The following ADAMTS3 variants were observed in gnomAD, a reference collection of about 807,000 sequenced individuals.
ADAMTS3 encodes A disintegrin and metalloproteinase with thrombospondin motifs 3.
A neutral mutation model predicts 129.0 loss-of-function variants in ADAMTS3; 73 were observed. The observed-to-expected ratio is 0.57, with a 90% CI of 0.47 to 0.69. The LOEUF is 0.69. Among genes scored for constraint, ADAMTS3 ranks in the 30% least tolerant of loss-of-function variants. The pLI is 0.00. For missense variants in ADAMTS3, 1,457 were observed against 1,514.5 expected (o/e 0.96, Z 0.63); for synonymous variants, 477 against 510.8 (o/e 0.93, Z 0.89).
At chr4:72,536,757 A>G (rs788918) in intron 3 of ADAMTS3, among the ~76,000 whole-genome samples, 49,703 of 151,954 alleles carry the variant, frequency 0.33, 8,664 homozygotes, top group East Asian at 0.45. Context: ...TCCTTTGACC[A>G]TTTTACAAAA....
chr4:72,527,431 G>A (rs933012817), intron 3 of ADAMTS3, among the ~76,000 whole-genome samples: 2 of 152,062 alleles, frequency 1.3e-5, no homozygotes, highest in African/African-American at 4.8e-5. Context: ...AACCTCATGG[G>A]GCAAATACTA....
rs72853016 is a variant in ADAMTS3, at chr4:72,462,471, T to C, written c.505-47500A>G. Reference sequence around the variant, plus strand: ...AGCACATCAAAGAAACATGAGTGCATTTTACACAAGTGTACGGTCACACAC... The same window carrying C: ...AGCACATCAAAGAAACATGAGTGCACTTTACACAAGTGTACGGTCACACAC... On this transcript the variant is annotated intron_variant, in intron 3 of 21. Transcript: ENST00000286657. Among the ~76,000 whole-genome samples the C allele has an allele frequency of 7.5e-3, 1,137 of 152,070 alleles. 25 individuals are homozygous for C. Among genetic ancestry groups the C allele is most frequent in the African/African-American group, 0.026 (1,080 of 41,538 alleles).
intron 3 of ADAMTS3, among the ~76,000 whole-genome samples, chr4:72,458,369 A>C (rs1718679586): frequency 6.6e-6 from 1 of 151,554 alleles, no homozygotes; most frequent in South Asian, 2.1e-4. Flanking sequence ...TTAAAAAAAA[A>C]GTCCATGTCA....
At chr4:72,389,531 A>C (rs1349713957) in intron 4 of ADAMTS3, among the ~76,000 whole-genome samples, 1 of 135,084 alleles carries the variant, frequency 7.4e-6, no homozygotes. Flanking sequence ...GAAAAAAACA[A>C]AAAAAAAAAA....
intron 3 of ADAMTS3, among the ~76,000 whole-genome samples, chr4:72,420,445 T>C (rs1049597066): frequency 6.6e-6 from 1 of 152,162 alleles, no homozygotes; most frequent in Admixed American, 6.5e-5. Flanking sequence ...AGGTGTTGCT[T>C]CTCAAAGAGC....
chr4:72,385,101 A>G (rs926592716), intron 4 of ADAMTS3, among the ~76,000 whole-genome samples: 8 of 151,976 alleles, frequency 5.3e-5, no homozygotes, highest in Admixed American at 3.9e-4. Context: ...AATGGCGTGA[A>G]CCTGGGAGGT....
intron 3 of ADAMTS3, among the ~76,000 whole-genome samples, chr4:72,546,451 A>T (rs1464486533): frequency 3.4e-5 from 1 of 29,438 alleles, no homozygotes; most frequent in Admixed American, 2.0e-4. Flanking sequence ...ACAAATGTTA[A>T]AAAAAAAAAA....
At chr4:72,285,452 A>G (rs140480484) in intron 21 of ADAMTS3, among the ~76,000 whole-genome samples, 1 of 152,278 alleles carries the variant, frequency 6.6e-6, no homozygotes, top group Non-Finnish European at 1.5e-5. Context: ...AGGTCTCAAG[A>G]GGAGAGGACA....
At chr4:72,412,706 T>C (rs1460463492) in intron 4 of ADAMTS3, among the ~76,000 whole-genome samples, 6 of 152,028 alleles carry the variant, frequency 3.9e-5, no homozygotes, top group Admixed American at 1.3e-4. Context: ...ACTGAATGAT[T>C]CAATTTTGAT....
intron 4 of ADAMTS3, among the ~76,000 whole-genome samples, chr4:72,387,933 T>C (rs942966977): frequency 2.0e-5 from 3 of 152,120 alleles, no homozygotes; most frequent in Non-Finnish European, 4.4e-5. Flanking sequence ...ACTAGAGAAG[T>C]AGTTTTCTAA....
At chr4:72,455,909 T>A (rs778383778) in intron 3 of ADAMTS3, among the ~76,000 whole-genome samples, 6,861 of 65,950 alleles carry the variant, frequency 0.1, 648 homozygotes, top group Non-Finnish European at 0.14. Context: ...GTATATACAC[T>A]GTATATATAC....
In ADAMTS3 at chr4:72,438,874, A is replaced by G. The variant is rs377598646; in HGVS notation, c.505-23903T>C. ...AACGGCAGTGCTAAGACATCAAAAA[A>G]GATCAACTTGCTTAAGACCATAACA... On this transcript the variant is annotated intron_variant, in intron 3 of 21. Transcript: ENST00000286657. Among the ~76,000 whole-genome samples the G allele has an allele frequency of 1.7e-4, 26 of 151,872 alleles. No individual in the cohort carries two copies. The East Asian group carries it at 2.9e-3, about 17-fold the overall frequency.
chr4:72,362,625 C>A (rs1424208864), intron 4 of ADAMTS3, among the ~76,000 whole-genome samples: 1 of 152,036 alleles, frequency 6.6e-6, no homozygotes, highest in East Asian at 1.9e-4. Flanking sequence ...GATATCACAG[C>A]TTAATTATAA....
intron 3 of ADAMTS3, among the ~76,000 whole-genome samples, chr4:72,518,885 G>C (rs1406424117): frequency 1.3e-5 from 2 of 151,930 alleles, no homozygotes; most frequent in African/African-American, 4.8e-5. Flanking sequence ...TCATTATGAT[G>C]TTAGCTGCTT....
chr4:72,512,028 A>G (rs763478391), intron 3 of ADAMTS3, among the ~76,000 whole-genome samples: 2 of 152,166 alleles, frequency 1.3e-5, no homozygotes, highest in African/African-American at 4.8e-5. Context: ...GACAAACATC[A>G]TATGTTCTCA....
chr4:72,341,268 C>T (rs1720130333), intron 4 of ADAMTS3, among the ~76,000 whole-genome samples: 1 of 152,118 alleles, frequency 6.6e-6, no homozygotes, highest in Non-Finnish European at 1.5e-5. Context: ...CTGAATGTGA[C>T]TACTCAGGTT....
intron 15 of ADAMTS3, among the ~76,000 whole-genome samples, 179 bp downstream of exon 15, chr4:72,309,214 AATTC>A (rs1328182770): frequency 3.3e-5 from 5 of 151,960 alleles, no homozygotes; most frequent in South Asian, 2.1e-4. Context: ...AGGGAGTATG[AATTC>A]ATTCAAAGTG....
chr4:72,320,570 G>A (rs1719526313), intron 7 of ADAMTS3, 144 bp downstream of exon 7: 2 of 826,254 alleles, frequency 2.4e-6, no homozygotes, highest in African/African-American at 1.7e-5. Context: ...GTCACTGTAA[G>A]CAAAAGAAAG....
intron 3 of ADAMTS3, among the ~76,000 whole-genome samples, chr4:72,520,111 CCT>C (rs1413312226): frequency 1.3e-5 from 2 of 152,270 alleles, no homozygotes; most frequent in East Asian, 3.9e-4. Context: ...CACTTCAGAC[CCT>C]GTTTGCCTGG....
Sources: gnomAD v4.1 joint callset for allele counts (sites outside exome capture counted in the v4.1 genomes callset) on GRCh38, gnomAD v4.1.1 for gene constraint, MANE v1.5 for transcripts, NCBI Gene and HGNC (gene_info 2026-07-23, HGNC 2026-07-21) for gene names.